Variants in TSPEAR observed in about 807,000 individuals in gnomAD.
TSPEAR encodes thrombospondin-type laminin G domain and EAR repeat-containing protein.
In TSPEAR, 69 loss-of-function variants were observed where a neutral mutation model predicts 71.6. The ratio of observed to expected loss-of-function variants is 0.96; its 90% CI spans 0.79 to 1.18. TSPEAR has a LOEUF of 1.18. Among genes scored for constraint, TSPEAR ranks in the 50% most tolerant of loss-of-function variants. The pLI is 0.00. For missense variants in TSPEAR, 971 were observed against 894.9 expected (o/e 1.09, Z -1.09); for synonymous variants, 402 against 387.2 (o/e 1.04, Z -0.45).
intron 2 of TSPEAR, among the ~76,000 whole-genome samples, chr21:44,554,662 A>G (rs1177328366): frequency 2.0e-5 from 3 of 152,246 alleles, no homozygotes; most frequent in Non-Finnish European, 4.4e-5. Context: ...CGCTAACCAC[A>G]CGTGGCTCTT....
chr21:44,525,583 G>T, intron 8 of TSPEAR, 70 bp downstream of exon 8: 4 of 1,480,274 alleles, frequency 2.7e-6, no homozygotes, highest in Non-Finnish European at 2.8e-6. Flanking sequence ...ATACACATTC[G>T]CCCTGCCTGC....
At position 44,558,482 on chromosome 21, in the gene TSPEAR, C is replaced by T. The variant is rs374002798; in HGVS notation, c.303+9303G>A. 72 of 1,613,918 alleles carry T rather than the reference C, an allele frequency of 4.5e-5. 1 individual carries two copies. Among genetic ancestry groups the T allele is most frequent in the African/African-American group, 2.0e-4 (15 of 74,988 alleles). On this transcript the variant is annotated intron_variant, in intron 2 of 11. Transcript: ENST00000323084. Reference sequence around the variant, plus strand: ...GCTGGCAGCTAGACTGCTGGCAGCACGAGGGCGTGCAGGAGCTGGTGCAGC... The same window carrying T: ...GCTGGCAGCTAGACTGCTGGCAGCATGAGGGCGTGCAGGAGCTGGTGCAGC...
chr21:44,692,912 A>G (rs1271128701), intron 1 of TSPEAR, among the ~76,000 whole-genome samples: 6 of 152,150 alleles, frequency 3.9e-5, no homozygotes, highest in Non-Finnish European at 5.9e-5. Flanking sequence ...ACAATCTTGA[A>G]AAAGAGGGAC....
chr21:44,644,010 G>A (rs782675033), intron 1 of TSPEAR, among the ~76,000 whole-genome samples: 1 of 152,228 alleles, frequency 6.6e-6, no homozygotes, highest in Non-Finnish European at 1.5e-5. Context: ...TGTGTCACTT[G>A]CAGAAGACCT....
chr21:44,708,401 A>G (rs1263181262), intron 1 of TSPEAR, among the ~76,000 whole-genome samples: 2 of 152,100 alleles, frequency 1.3e-5, no homozygotes, highest in African/African-American at 2.4e-5. Flanking sequence ...AGGACTCCCC[A>G]GCACTCACAC....
chr21:44,592,432 C>T (rs200607328), intron 1 of TSPEAR: 493 of 1,609,474 alleles, frequency 3.1e-4, no homozygotes, highest in Non-Finnish European at 4.0e-4. Flanking sequence ...AAGGCAGACG[C>T]GGCTGCCGTA....
At chr21:44,664,771 G>A (rs1392093708) in intron 1 of TSPEAR, among the ~76,000 whole-genome samples, 2 of 152,138 alleles carry the variant, frequency 1.3e-5, no homozygotes, top group African/African-American at 4.8e-5. Flanking sequence ...AAACAAATAC[G>A]TCCATGCAAA....
At chr21:44,661,567 A>G (rs1400967211) in intron 1 of TSPEAR, among the ~76,000 whole-genome samples, 1 of 152,232 alleles carries the variant, frequency 6.6e-6, no homozygotes, top group Non-Finnish European at 1.5e-5. Context: ...TCGCCTTGCT[A>G]TAAGGAAATA....
rs1182473051 is a variant in TSPEAR, at chr21:44,574,152, G to C, written c.83-6147C>G. ...GTGCTGTGTGCCCGTCTGCTGTGGG[G>C]ATTCTTCATGCTGCCAGCAGTCTAG... On this transcript the variant is annotated intron_variant, in intron 1 of 11. Coordinates refer to ENST00000323084, the MANE Select transcript of TSPEAR (RefSeq NM_144991.3). 1.9e-6 allele frequency: 3 copies of C among 1,594,632 alleles called. No homozygotes were observed. The African/African-American group carries it at 4.1e-5, about 22-fold the overall frequency.
chr21:44,624,079 T>C (rs1397605465), intron 1 of TSPEAR, among the ~76,000 whole-genome samples: 1 of 152,216 alleles, frequency 6.6e-6, no homozygotes, highest in Non-Finnish European at 1.5e-5. Flanking sequence ...TGCTTACTAC[T>C]CCACTTTCTT....
At chr21:44,529,599 G>C (rs1475229437) in intron 5 of TSPEAR, among the ~76,000 whole-genome samples, 199 bp downstream of exon 5, 1 of 152,146 alleles carries the variant, frequency 6.6e-6, no homozygotes, top group Non-Finnish European at 1.5e-5. Context: ...ACACTGGCCT[G>C]TCTGATGGTG....
chr21:44,666,613 G>T (rs1985779544), intron 1 of TSPEAR: 1 of 1,613,766 alleles, frequency 6.2e-7, no homozygotes, highest in African/African-American at 1.3e-5. Flanking sequence ...CACACAATGG[G>T]CCTGCAGCTC....
At chr21:44,655,370 G>C (rs1250531822) in intron 1 of TSPEAR, among the ~76,000 whole-genome samples, 1 of 152,238 alleles carries the variant, frequency 6.6e-6, no homozygotes, top group African/African-American at 2.4e-5. Flanking sequence ...TCCTGAACCA[G>C]CTCGGACAGA....
chr21:44,525,941 G>T, intron 7 of TSPEAR, 102 bp from the exon 8 acceptor site: 1 of 1,208,704 alleles, frequency 8.3e-7, no homozygotes, highest in Non-Finnish European at 1.2e-6. Flanking sequence ...CCAGATCCAC[G>T]GCTGCTACGT....
At position 44,678,832 on chromosome 21, in the gene TSPEAR, AC is replaced by A. The variant is rs1473743778; in HGVS notation, c.82+32600del. On this transcript the variant is annotated intron_variant, in intron 1 of 11. Transcript: ENST00000323084. ...TCAGTAGTGTTTCGATACACCAATA[AC>A]AAACTAGCTGAAAAAGTAAGCAAAA... Among the ~76,000 whole-genome samples the A allele has an allele frequency of 2.6e-5, 4 of 152,244 alleles. No homozygotes were observed. In the East Asian group the frequency reaches 7.7e-4, roughly 29 times the overall value.
intron 8 of TSPEAR, among the ~76,000 whole-genome samples, chr21:44,524,845 T>A (rs1323963952): frequency 6.7e-6 from 1 of 149,868 alleles, no homozygotes; most frequent in Non-Finnish European, 1.5e-5. Context: ...GTCAGTGAGG[T>A]AGTCAGTCAG....
chr21:44,676,912 C>T (rs1300464026), intron 1 of TSPEAR: 29 of 887,984 alleles, frequency 3.3e-5, no homozygotes, highest in African/African-American at 4.9e-5. Context: ...ATCGATGTGA[C>T]GATGTGCACG....
chr21:44,643,854 T>G (rs1326801767), intron 1 of TSPEAR, among the ~76,000 whole-genome samples: 3 of 152,114 alleles, frequency 2.0e-5, no homozygotes, highest in African/African-American at 7.2e-5. Context: ...TAGTGCGGAG[T>G]TGCGGGAAGC....
At chr21:44,586,423 G>A (rs192260310) in intron 1 of TSPEAR, among the ~76,000 whole-genome samples, 1 of 152,124 alleles carries the variant, frequency 6.6e-6, no homozygotes, top group Admixed American at 6.5e-5. Context: ...AGGCATTGGG[G>A]AGTAGCCAGC....
Sources: gnomAD v4.1 joint callset for allele counts (sites outside exome capture counted in the v4.1 genomes callset) on GRCh38, gnomAD v4.1.1 for gene constraint, MANE v1.5 for transcripts, NCBI Gene and HGNC (gene_info 2026-07-23, HGNC 2026-07-21) for gene names.